Variants in VANGL1 observed in about 807,000 individuals in gnomAD.
VANGL1 encodes VANGL planar cell polarity protein 1.
Under a neutral mutation model 48.4 loss-of-function variants are expected in VANGL1, and 18 were observed. That is an observed-to-expected ratio of 0.37 (90% CI 0.26 to 0.55). The LOEUF (loss-of-function observed/expected upper bound fraction) is 0.55. VANGL1 is among the 20% of genes least tolerant of loss of function. VANGL1 has a pLI of 0.81. For missense variants in VANGL1, 667 were observed against 675.8 expected, an observed-to-expected ratio of 0.99 and a Z score of 0.14; for synonymous variants, 257 against 261.8, an observed-to-expected ratio of 0.98 and a Z score of 0.18.
chr1:115,642,582 C>T (rs1354345715), intron 1 of VANGL1: 1 of 152,268 alleles, frequency 6.6e-6, no homozygotes, highest in Non-Finnish European at 1.5e-5. Flanking sequence ...CCGGGCGCCG[C>T]CTGGCCCTTC....
In VANGL1 at chr1:115,659,909, C is replaced by T. The variant is rs1286308585; in HGVS notation, c.204+136C>T. The T allele has an allele frequency of 3.2e-6, 4 of 1,250,742 alleles. No individual in the cohort carries two copies. The Admixed American group carries it at 7.8e-5, about 24-fold the overall frequency. The allele number at this position is 1,250,742 out of a possible 1,614,324, so 77.5% of individuals were successfully genotyped here. On this transcript the variant is annotated intron_variant, in intron 3 of 7. Coordinates refer to ENST00000355485, the MANE Select transcript of VANGL1 (RefSeq NM_138959.3). The stretch of plus-strand genomic sequence containing the variant: ...AATTAGTTTATCTATGTCCCATGGT[C>T]TCTTGTTGGTCTAAGGACAGCCTGT...
chr1:115,692,137 G>A lies in VANGL1; in HGVS notation c.*758G>A, dbSNP rs546932643. ...CCCTGGCTCTCCATGTGTGCCCTCC[G>A]GCTCTGTGTGAAGCCTCAAGTCAGT... On this transcript the variant is annotated 3_prime_UTR_variant, in exon 8 of 8. Coordinates refer to ENST00000355485, the MANE Select transcript of VANGL1 (RefSeq NM_138959.3). The A allele has an allele frequency of 1.3e-3, 200 of 153,248 alleles. 1 individual carries two copies. Among genetic ancestry groups the A allele is most frequent in the Non-Finnish European group, 2.2e-3 (154 of 68,622 alleles). 9.5% of individuals were successfully genotyped at this position (153,248 alleles called of 1,614,324 possible).
intron 5 of VANGL1, among the ~76,000 whole-genome samples, chr1:115,683,518 C>T (rs1653469809): frequency 6.6e-6 from 1 of 152,174 alleles, no homozygotes; most frequent in South Asian, 2.1e-4. Context: ...GTCTGTCTGT[C>T]TGTCTGTCCT....
chr1:115,678,811 C>T (rs1340566652), intron 4 of VANGL1, among the ~76,000 whole-genome samples: 8 of 152,010 alleles, frequency 5.3e-5, no homozygotes, highest in Non-Finnish European at 1.5e-5. Flanking sequence ...CAAAATTTAG[C>T]TGGGCGTGGT....
At position 115,663,651 on chromosome 1, in the gene VANGL1, TC is replaced by T; in HGVS notation, c.205-6del. 1 of 1,613,952 alleles carries T rather than the reference TC, an allele frequency of 6.2e-7. No individual in the cohort carries two copies. Among genetic ancestry groups the T allele is most frequent in the South Asian group, 1.1e-5 (1 of 91,058 alleles). ...GTGTCATGTCATCCTCACTGTCTTC[TC>T]CCCACCAGGATGACAACTGGGGAGA... On this transcript the variant is annotated splice_polypyrimidine_tract_variant and intron_variant, in intron 3 of 7. Coordinates refer to ENST00000355485, the MANE Select transcript of VANGL1 (RefSeq NM_138959.3).
intron 3 of VANGL1, among the ~76,000 whole-genome samples, chr1:115,662,100 A>G (rs903048567): frequency 9.8e-5 from 15 of 152,310 alleles, no homozygotes; most frequent in Middle Eastern, 3.4e-3. Context: ...CGTCTGAAAT[A>G]GGAATTTCTC....
chr1:115,689,886 G>A (rs1653769357), intron 7 of VANGL1, among the ~76,000 whole-genome samples: 1 of 138,118 alleles, frequency 7.2e-6, no homozygotes, highest in East Asian at 2.0e-4. Context: ...AACCCGGGAG[G>A]CGGAGCTTGC....
intron 4 of VANGL1, among the ~76,000 whole-genome samples, chr1:115,674,960 G>C (rs1462171148): frequency 1.3e-5 from 2 of 150,438 alleles, no homozygotes; most frequent in Non-Finnish European, 3.0e-5. Context: ...GTGTGTGTGT[G>C]CATGTATGCA....
Position 115,665,478 on chromosome 1 carries a change from G to A in VANGL1, c.812+1210G>A, listed in dbSNP as rs75207229. 5.3e-4 allele frequency among the ~76,000 whole-genome samples: 81 copies of A among 152,304 alleles called. 1 individual carries two copies. The East Asian group carries it at 7.7e-3, about 15-fold the overall frequency. ...CACCTTAGTGGGTATCAGAACAATC[G>A]GCTTTGTCATAGATTTGGCTGGGCT... On this transcript the variant is annotated intron_variant, in intron 4 of 7. Coordinates refer to ENST00000355485, the MANE Select transcript of VANGL1 (RefSeq NM_138959.3).
chr1:115,665,984 T>C (rs944222563), intron 4 of VANGL1, among the ~76,000 whole-genome samples: 2 of 151,960 alleles, frequency 1.3e-5, no homozygotes, highest in African/African-American at 4.8e-5. Context: ...GGGGTATAGG[T>C]GATAGGAACA....
chr1:115,697,681 G>A lies in VANGL1; in HGVS notation c.*6302G>A, dbSNP rs1654080545. The A allele has an allele frequency of 6.6e-6, 1 of 152,188 alleles. No homozygotes were observed. Among genetic ancestry groups the A allele is most frequent in the South Asian group, 2.1e-4 (1 of 4,830 alleles). 9.4% of individuals were successfully genotyped at this position (152,188 alleles called of 1,614,324 possible). A position where few individuals can be genotyped will look rare whatever the true frequency, so the allele number is the denominator to read the frequency against. The stretch of plus-strand genomic sequence containing the variant: ...TATTTGATAATTGCTTTGGTTAGAA[G>A]GACTTTACATTTCCTGATTTCAAGT... On this transcript the variant is annotated 3_prime_UTR_variant, in exon 8 of 8. Transcript: ENST00000355485.
intron 4 of VANGL1, among the ~76,000 whole-genome samples, chr1:115,674,499 C>T (rs1348421408): frequency 2.0e-5 from 3 of 152,338 alleles, no homozygotes; most frequent in East Asian, 1.9e-4. Context: ...AGGATAGTGA[C>T]TGCATGCTCT....
At chr1:115,682,250 T>G in intron 4 of VANGL1, 114 bp from the exon 5 acceptor site, 4,558 of 1,362,658 alleles carry the variant, frequency 3.3e-3, no homozygotes, top group Non-Finnish European at 4.1e-3. Context: ...GACTTCTGTA[T>G]GAGATTATCT....
chr1:115,661,898 G>A (rs751162257), intron 3 of VANGL1, among the ~76,000 whole-genome samples: 1 of 152,168 alleles, frequency 6.6e-6, no homozygotes. Flanking sequence ...GATTACAGGC[G>A]TGAGCCACCG....
intron 2 of VANGL1, among the ~76,000 whole-genome samples, chr1:115,657,238 T>G (rs1374520511): frequency 6.6e-6 from 1 of 152,208 alleles, no homozygotes; most frequent in African/African-American, 2.4e-5. Flanking sequence ...CAAGGCATAT[T>G]TCATAGCTCT....
chr1:115,655,814 C>G (rs1011137587), intron 2 of VANGL1, among the ~76,000 whole-genome samples: 1 of 152,146 alleles, frequency 6.6e-6, no homozygotes, highest in Non-Finnish European at 1.5e-5. Flanking sequence ...GTTGTGGCAT[C>G]TGGAACTACA....
chr1:115,666,478 CT>C (rs1263079308), intron 4 of VANGL1, among the ~76,000 whole-genome samples: 4 of 152,158 alleles, frequency 2.6e-5, no homozygotes, highest in African/African-American at 4.8e-5. Flanking sequence ...CAGGGCAGAG[CT>C]GGATGGGAGA....
chr1:115,657,092 A>G (rs1570743565), intron 2 of VANGL1, among the ~76,000 whole-genome samples: 1 of 152,228 alleles, frequency 6.6e-6, no homozygotes, highest in Non-Finnish European at 1.5e-5. Context: ...CAACGTGGGA[A>G]GTCTCTCCCA....
intron 4 of VANGL1, among the ~76,000 whole-genome samples, chr1:115,675,332 C>G (rs905324793): frequency 6.6e-6 from 1 of 152,104 alleles, no homozygotes; most frequent in Non-Finnish European, 1.5e-5. Context: ...GAAACCCCGT[C>G]TCTACTAAAA....
Sources: gnomAD v4.1 joint callset for allele counts (sites outside exome capture counted in the v4.1 genomes callset) on GRCh38, gnomAD v4.1.1 for gene constraint, MANE v1.5 for transcripts, NCBI Gene and HGNC (gene_info 2026-07-23, HGNC 2026-07-21) for gene names.